Variants in SOCS7 observed in about 807,000 individuals in gnomAD.
The protein encoded by SOCS7 is NAP-4.
A neutral mutation model predicts 58.9 loss-of-function variants in SOCS7; 18 were observed. That is an observed-to-expected ratio of 0.31 (90% confidence interval 0.21 to 0.45). SOCS7 has a LOEUF of 0.45. SOCS7 is among the 20% of genes least tolerant of loss of function. The probability of loss-of-function intolerance (pLI) is 1.00; values close to 1 mark genes in which losing one functional copy is unlikely to be tolerated. For synonymous variants in SOCS7, 388 were observed against 364.3 expected (o/e 1.06, Z -0.74); for missense variants, 667 against 837.3 (o/e 0.80, Z 2.51).
chr17:38,383,710 A>G (rs1179282884), intron 7 of SOCS7, among the ~76,000 whole-genome samples: 4 of 152,028 alleles, frequency 2.6e-5, no homozygotes, highest in African/African-American at 4.8e-5. Context: ...ACGCCCGGCT[A>G]AATTTTTGTA....
chr17:38,377,952 TG>T, intron 7 of SOCS7, 110 bp downstream of exon 7: 1 of 1,009,398 alleles, frequency 9.9e-7, no homozygotes, highest in Non-Finnish European at 1.5e-6. Context: ...TTTCCCTGGC[TG>T]TTGGAGCCAC....
chr17:38,363,535 G>A (rs771510793), intron 2 of SOCS7, among the ~76,000 whole-genome samples: 3 of 152,098 alleles, frequency 2.0e-5, no homozygotes, highest in Admixed American at 1.3e-4. Flanking sequence ...GGGTCTTAAC[G>A]TGTTGCCCAG....
chr17:38,371,881 T>G (rs1327372904), intron 6 of SOCS7, among the ~76,000 whole-genome samples: 1 of 151,858 alleles, frequency 6.6e-6, no homozygotes, highest in African/African-American at 2.4e-5. Context: ...ATTTGGGATT[T>G]TAAAGTTTGA....
At position 38,352,580 on chromosome 17, in the gene SOCS7, C is replaced by T. The variant is rs761511781; in HGVS notation, c.528C>T (p.Asp176=). Residue 176 remains aspartate, a synonymous_variant, in exon 1 of 10, where the codon GAC becomes GAT. Transcript: ENST00000612932. This position sits in a 1 kb window ranked among gnomAD's most constrained non-coding sequence, Gnocchi z 5.5. ...GGGAGGACCCCACGGAAACGAGCGA[C>T]GCGCTGCTGGTCCTGGAGGGCTTGG... is the stretch of plus-strand genomic sequence containing the variant. The part of the protein sequence containing the change: ...QAGEDPTETS[D]ALLVLEGLES... 124 of 1,549,812 alleles carry T rather than the reference C, an allele frequency of 8.0e-5. No individual in the cohort carries two copies. The highest frequency in any genetic ancestry group is 1.1e-4 in the Non-Finnish European group (121 of 1,146,776).
At chr17:38,389,900 C>CATATATATAT (rs1263290062) in intron 7 of SOCS7, among the ~76,000 whole-genome samples, 6 of 20,198 alleles carry the variant, frequency 3.0e-4, no homozygotes, top group Admixed American at 1.3e-3. Context: ...TATATATATA[C>CATATATATAT]ACATATAGAG....
At chr17:38,370,810 C>T (rs896738798) in intron 6 of SOCS7, among the ~76,000 whole-genome samples, 2 of 151,978 alleles carry the variant, frequency 1.3e-5, no homozygotes, top group Non-Finnish European at 2.9e-5. Context: ...ACCACCATGC[C>T]CAGCTAATTT....
chr17:38,355,064 A>G (rs927343922), intron 1 of SOCS7, among the ~76,000 whole-genome samples: 4 of 152,212 alleles, frequency 2.6e-5, no homozygotes, highest in Non-Finnish European at 5.9e-5. Flanking sequence ...TTTTTGGTCC[A>G]AGGGCTTTTT....
chr17:38,365,256 G>A (rs1597689085), intron 3 of SOCS7, 52 bp from the exon 4 acceptor site: 1 of 1,381,680 alleles, frequency 7.2e-7, no homozygotes, highest in Non-Finnish European at 1.0e-6. Flanking sequence ...CCTTCAGCGT[G>A]CTCATTCTGT....
intron 6 of SOCS7, among the ~76,000 whole-genome samples, chr17:38,375,535 A>G (rs2037919973): frequency 6.6e-6 from 1 of 152,238 alleles, no homozygotes; most frequent in Non-Finnish European, 1.5e-5. Flanking sequence ...TATATAATAC[A>G]TATCACATAC....
Position 38,403,156 on chromosome 17 carries a change from G to A in SOCS7, c.*3674G>A, listed in dbSNP as rs538221389. The A allele has an allele frequency of 2.0e-5, 3 of 152,188 alleles. No individual in the cohort carries two copies. Among genetic ancestry groups the A allele is most frequent in the African/African-American group, 7.2e-5 (3 of 41,512 alleles). 9.4% of individuals were successfully genotyped at this position (152,188 alleles called of 1,614,324 possible). ...GTGGCGCCACCTCCCTGAGGAGAAA[G>A]GTGTGGCCAAAGGAAACTCCTGCAT... On this transcript the variant is annotated 3_prime_UTR_variant, in exon 10 of 10. Transcript: ENST00000612932.
chr17:38,398,912 G>A (rs2038279991), intron 9 of SOCS7, among the ~76,000 whole-genome samples: 1 of 151,992 alleles, frequency 6.6e-6, no homozygotes. Context: ...CCAACATGGT[G>A]AAACCCTGTC....
rs1232464518 is a variant in SOCS7 at position 38,405,507 on chromosome 17, G to T, written c.*6025G>T. ...CGAGAGACATTTGACTCTTGTGTTT[G>T]TATCTCCTTTTTATGATTGCTGTAC... On this transcript the variant is annotated 3_prime_UTR_variant, in exon 10 of 10. Transcript: ENST00000612932. 26 of 152,150 alleles carry T rather than the reference G, an allele frequency of 1.7e-4. No homozygotes were observed. The highest frequency in any genetic ancestry group is 3.8e-4 in the Non-Finnish European group (26 of 68,030). The allele number at this position is 152,150 out of a possible 1,614,324, so 9.4% of individuals were successfully genotyped here. A position where few individuals can be genotyped will look rare whatever the true frequency, so the allele number is the denominator to read the frequency against.
At chr17:38,365,467 T>G in intron 4 of SOCS7, 58 bp downstream of exon 4, 1 of 1,127,260 alleles carries the variant, frequency 8.9e-7, no homozygotes, top group Non-Finnish European at 1.3e-6. Context: ...TGATACTTTC[T>G]ACCATAGAAG....
chr17:38,385,782 G>T (rs117910032), intron 7 of SOCS7, among the ~76,000 whole-genome samples: 42 of 152,156 alleles, frequency 2.8e-4, no homozygotes, highest in Non-Finnish European at 4.1e-4. Context: ...TGTTTGACCT[G>T]GAAAATTTCC....
intron 7 of SOCS7, among the ~76,000 whole-genome samples, chr17:38,393,871 G>A (rs1396864394): frequency 1.3e-5 from 2 of 152,170 alleles, no homozygotes; most frequent in African/African-American, 4.8e-5. Context: ...CTGCACCCCA[G>A]CCTGGGCGAC....
At chr17:38,379,519 A>T (rs964022327) in intron 7 of SOCS7, among the ~76,000 whole-genome samples, 2 of 152,092 alleles carry the variant, frequency 1.3e-5, no homozygotes, top group Non-Finnish European at 2.9e-5. Flanking sequence ...TAAAATGAGA[A>T]CTTCATGCTT....
intron 6 of SOCS7, among the ~76,000 whole-genome samples, chr17:38,370,227 G>C (rs2144344453): frequency 6.6e-6 from 1 of 151,916 alleles, no homozygotes; most frequent in East Asian, 1.9e-4. Context: ...CGAACTCCTA[G>C]CCTCACGTGA....
intron 6 of SOCS7, 40 bp from the exon 7 acceptor site, chr17:38,377,674 G>GT: frequency 2.5e-6 from 4 of 1,584,670 alleles, no homozygotes; most frequent in Non-Finnish European, 3.4e-6. Flanking sequence ...GTCTTCTGAA[G>GT]TAAGTTTTAA....
Position 38,352,673 on chromosome 17 carries a change from A to G in SOCS7, c.621A>G (p.Gly207=), listed in dbSNP as rs1431328212. 1.3e-6 allele frequency: 2 copies of G among 1,546,986 alleles called. No homozygotes were observed. Among genetic ancestry groups the G allele is most frequent in the Non-Finnish European group, 8.7e-7 (1 of 1,145,384 alleles). Reference sequence around the variant, plus strand: ...AGGAGCTCAGCAGCCCGGGTCGCGGAGGAGGAGGGGGCGGCCGGCTTCTGC... The same window carrying G: ...AGGAGCTCAGCAGCCCGGGTCGCGGGGGAGGAGGGGGCGGCCGGCTTCTGC... ...SEEELSSPGR[G]GGGGGRLLLQ... The change falls in exon 1 of 10, where the codon GGA becomes GGG. Residue 207 remains glycine (G), a synonymous_variant. Coordinates refer to ENST00000612932, the MANE Select transcript of SOCS7 (RefSeq NM_014598.4). The surrounding 1 kb of genome is among the most constrained non-coding windows in gnomAD (Gnocchi z 5.5).
Sources: gnomAD v4.1 joint callset for allele counts (sites outside exome capture counted in the v4.1 genomes callset) on GRCh38, gnomAD v4.1.1 for gene constraint, Gnocchi (gnomAD v3.1) non-coding constraint, MANE v1.5 for transcripts, NCBI Gene and HGNC (gene_info 2026-07-23, HGNC 2026-07-21) for gene names.